Variants in CIMIP2A observed in about 807,000 individuals in gnomAD.
The protein encoded by CIMIP2A is ciliary microtubule inner protein 2A.
At chr9:137,246,485 C>G in the CIMIP2A span, among the ~76,000 whole-genome samples, 126 of 152,326 alleles carry the variant, frequency 8.3e-4, no homozygotes, top group African/African-American at 2.7e-3. Context: ...GCCAAAGGGC[C>G]GGGCGCGGTG....
At chr9:137,249,198 T>A in the CIMIP2A span, among the ~76,000 whole-genome samples, 3 of 152,134 alleles carry the variant, frequency 2.0e-5, no homozygotes, top group South Asian at 6.2e-4. Context: ...TCCGTAAATA[T>A]AAGGGCATAA....
chr9:137,252,793 G>A, the CIMIP2A span: 2 of 1,562,952 alleles, frequency 1.3e-6, no homozygotes, highest in Non-Finnish European at 1.7e-6. Flanking sequence ...CTAGGGGGCT[G>A]GGCCTCAGGG....
the CIMIP2A span, chr9:137,252,527 T>C: frequency 1.6e-5 from 23 of 1,427,284 alleles, no homozygotes; most frequent in Middle Eastern, 1.9e-4. Flanking sequence ...GAGCAAAAGG[T>C]TGGGGGCTGG....
the CIMIP2A span, chr9:137,252,856 C>T: frequency 1.3e-6 from 2 of 1,580,442 alleles, no homozygotes; most frequent in East Asian, 4.7e-5. Flanking sequence ...GCAAGAGATG[C>T]CCTGGCCCCA....
the CIMIP2A span, chr9:137,243,935 C>T: frequency 6.2e-5 from 63 of 1,010,288 alleles, no homozygotes; most frequent in Non-Finnish European, 8.5e-5. Flanking sequence ...GCAGGCCTGT[C>T]CTGTTCCAGG....
chr9:137,248,436 G>A, the CIMIP2A span, among the ~76,000 whole-genome samples: 1 of 151,734 alleles, frequency 6.6e-6, no homozygotes, highest in East Asian at 1.9e-4. Context: ...CCAGCTACTC[G>A]GGAGGCTGAG....
At chr9:137,251,948 G>A in the CIMIP2A span, 1 of 1,596,536 alleles carries the variant, frequency 6.3e-7, no homozygotes, top group East Asian at 2.3e-5. Context: ...GGGGGGCTGT[G>A]GGAGGGGCCC....
chr9:137,245,865 AGAG>A, the CIMIP2A span: 3 of 1,498,428 alleles, frequency 2.0e-6, no homozygotes, highest in Non-Finnish European at 2.7e-6. Flanking sequence ...TGTGGAGGGA[AGAG>A]AAGAAGGCAG....
chr9:137,251,632 G>A, the CIMIP2A span: 1 of 1,391,076 alleles, frequency 7.2e-7, no homozygotes, highest in Admixed American at 2.1e-5. Flanking sequence ...TGGGGCACGT[G>A]GCTGGGAGCA....
chr9:137,252,349 G>A, the CIMIP2A span: 13 of 1,435,456 alleles, frequency 9.1e-6, no homozygotes, highest in Admixed American at 3.8e-5. Context: ...TTCAGGGGCC[G>A]AGGGTGGGAA....
the CIMIP2A span, chr9:137,245,329 C>A: frequency 1.9e-6 from 3 of 1,594,124 alleles, no homozygotes; most frequent in Non-Finnish European, 2.6e-6. Context: ...GGGGGCCTCG[C>A]AAACAGGAGT....
At chr9:137,245,734 A>T in the CIMIP2A span, 1 of 1,601,594 alleles carries the variant, frequency 6.2e-7, no homozygotes, top group Non-Finnish European at 8.5e-7. Flanking sequence ...GGGTTTGGAC[A>T]TGGGGGACAG....
the CIMIP2A span, chr9:137,253,500 T>G: frequency 7.0e-7 from 1 of 1,424,264 alleles, no homozygotes; most frequent in Non-Finnish European, 9.2e-7. Context: ...TGGTGTGCAG[T>G]TGTCTGTCCT....
At chr9:137,244,979 C>G in the CIMIP2A span, 3 of 1,606,684 alleles carry the variant, frequency 1.9e-6, no homozygotes, top group African/African-American at 2.7e-5. Flanking sequence ...CTAGCCTGTT[C>G]TGGAGCAGGA....
chr9:137,251,970 C>A, the CIMIP2A span: 7 of 1,602,280 alleles, frequency 4.4e-6, no homozygotes, highest in East Asian at 1.1e-4. Context: ...CTGAAAGGAG[C>A]CCAGGCCCAG....
At chr9:137,247,034 C>T in the CIMIP2A span, among the ~76,000 whole-genome samples, 2 of 152,074 alleles carry the variant, frequency 1.3e-5, no homozygotes, top group Non-Finnish European at 2.9e-5. Flanking sequence ...GCCTGTCATC[C>T]CAGCACTTTG....
chr9:137,244,560 A>G, the CIMIP2A span: 1 of 1,571,888 alleles, frequency 6.4e-7, no homozygotes, highest in Non-Finnish European at 8.7e-7. Flanking sequence ...CTGGCCTTCA[A>G]GGCACCCTCC....
At chr9:137,249,049 G>C in the CIMIP2A span, among the ~76,000 whole-genome samples, 1 of 151,546 alleles carries the variant, frequency 6.6e-6, no homozygotes, top group African/African-American at 2.4e-5. Flanking sequence ...GTAGAGACAG[G>C]GTTTCACCAT....
At chr9:137,252,151 C>G in the CIMIP2A span, 1 of 1,598,460 alleles carries the variant, frequency 6.3e-7, no homozygotes, top group Non-Finnish European at 8.5e-7. Context: ...TGTCCCCTCC[C>G]TGAGGCCCAA....
Sources: gnomAD v4.1 joint callset for allele counts (sites outside exome capture counted in the v4.1 genomes callset) on GRCh38, gnomAD v4.1.1 for gene constraint, MANE v1.5 for transcripts, NCBI Gene and HGNC (gene_info 2026-07-23, HGNC 2026-07-21) for gene names.